GPC5: variants seen among roughly 807,000 people sequenced by gnomAD.
GPC5 encodes glypican-5.
A neutral mutation model predicts 53.9 loss-of-function variants in GPC5; 47 were observed. The ratio of observed to expected loss-of-function variants is 0.87; its 90% confidence interval spans 0.69 to 1.11. GPC5 has a LOEUF of 1.11. GPC5 is among the 50% of genes most tolerant of loss of function. The probability of loss-of-function intolerance (pLI) is 0.00; values close to 1 mark genes in which losing one functional copy is unlikely to be tolerated. For missense variants in GPC5, 748 were observed against 713.1 expected, an observed-to-expected ratio of 1.05 and a Z score of -0.56; for synonymous variants, 286 against 263.3, an observed-to-expected ratio of 1.09 and a Z score of -0.84.
chr13:91,888,876 A>G (rs528682012), intron 5 of GPC5, among the ~76,000 whole-genome samples: 1 of 152,244 alleles, frequency 6.6e-6, no homozygotes, highest in East Asian at 1.9e-4. Flanking sequence ...TGTATGAAAT[A>G]ACAATGTAAC....
At chr13:92,653,192 A>T (rs758631375) in intron 7 of GPC5, among the ~76,000 whole-genome samples, 1 of 152,206 alleles carries the variant, frequency 6.6e-6, no homozygotes, top group Non-Finnish European at 1.5e-5. Context: ...GATAGGGTGA[A>T]TATGACCCAG....
At chr13:92,778,717 A>C (rs929004845) in intron 7 of GPC5, among the ~76,000 whole-genome samples, 1 of 152,210 alleles carries the variant, frequency 6.6e-6, no homozygotes, top group Non-Finnish European at 1.5e-5. Context: ...TGTATTCCAC[A>C]TAAGACAGCT....
intron 7 of GPC5, among the ~76,000 whole-genome samples, chr13:92,386,005 A>G (rs537034838): frequency 6.6e-6 from 1 of 151,870 alleles, no homozygotes; most frequent in South Asian, 2.1e-4. Context: ...TGAAGCATAG[A>G]ATATCCATTG....
chr13:91,564,016 T>C (rs2031413075), intron 2 of GPC5, among the ~76,000 whole-genome samples: 1 of 152,116 alleles, frequency 6.6e-6, no homozygotes, highest in Admixed American at 6.6e-5. Context: ...CAACTCCTCT[T>C]TTGGGCTTCA....
chr13:92,242,148 G>T (rs573387054), intron 7 of GPC5, among the ~76,000 whole-genome samples: 20 of 150,970 alleles, frequency 1.3e-4, no homozygotes, highest in African/African-American at 4.9e-4. Flanking sequence ...CATGAGAATT[G>T]CTTGAACCCA....
intron 7 of GPC5, among the ~76,000 whole-genome samples, chr13:92,592,024 T>G (rs1286062553): frequency 2.0e-5 from 3 of 152,204 alleles, no homozygotes; most frequent in African/African-American, 7.2e-5. Flanking sequence ...GATATATCTA[T>G]GTCAAGCAAG....
At chr13:92,716,394 A>G (rs1010704569) in intron 7 of GPC5, among the ~76,000 whole-genome samples, 1 of 151,550 alleles carries the variant, frequency 6.6e-6, no homozygotes, top group African/African-American at 2.4e-5. Context: ...CTTTCCTCTC[A>G]TCTTTCAAGA....
chr13:91,641,090 G>T (rs900523725), intron 2 of GPC5, among the ~76,000 whole-genome samples: 1 of 152,158 alleles, frequency 6.6e-6, no homozygotes. Flanking sequence ...CACTTTGGGA[G>T]GCCGAGGTGG....
In GPC5 at chr13:91,887,547, C is replaced by A. The variant is rs190093380; in HGVS notation, c.1281-20390C>A. Among the ~76,000 whole-genome samples, 15 of 152,212 alleles carry A rather than the reference C, an allele frequency of 9.9e-5. No individual in the cohort carries two copies. The South Asian group carries it at 2.9e-3, about 29-fold the overall frequency. On this transcript the variant is annotated intron_variant, in intron 5 of 7. Transcript: ENST00000377067. ...GATTTTCTTTTCTCTTGCATTGTGACGCTGCAAATTTTCCAAACCTTTATG... is the reference window on the plus strand; with the variant it reads ...GATTTTCTTTTCTCTTGCATTGTGAAGCTGCAAATTTTCCAAACCTTTATG...
chr13:92,419,407 T>G (rs565088319), intron 7 of GPC5, among the ~76,000 whole-genome samples: 2 of 152,188 alleles, frequency 1.3e-5, no homozygotes, highest in East Asian at 1.9e-4. Flanking sequence ...CTTTGTAGAG[T>G]GGGAAAAGGT....
At chr13:92,083,437 G>C (rs957684261) in intron 6 of GPC5, among the ~76,000 whole-genome samples, 1 of 151,940 alleles carries the variant, frequency 6.6e-6, no homozygotes, top group Non-Finnish European at 1.5e-5. Context: ...AGAGTCAGGA[G>C]GTGATTAAAA....
At chr13:92,421,116 A>G (rs1876539066) in intron 7 of GPC5, among the ~76,000 whole-genome samples, 1 of 152,226 alleles carries the variant, frequency 6.6e-6, no homozygotes, top group South Asian at 2.1e-4. Context: ...AACCCTGTGA[A>G]GTACATGCTT....
At chr13:92,569,844 C>T (rs1370201811) in intron 7 of GPC5, among the ~76,000 whole-genome samples, 1 of 152,152 alleles carries the variant, frequency 6.6e-6, no homozygotes, top group Non-Finnish European at 1.5e-5. Context: ...TGAACTGATA[C>T]AGCACGGAAC....
At chr13:91,522,008 A>G (rs1170889738) in intron 2 of GPC5, among the ~76,000 whole-genome samples, 1 of 152,242 alleles carries the variant, frequency 6.6e-6, no homozygotes, top group Non-Finnish European at 1.5e-5. Flanking sequence ...ATACATGAAG[A>G]GATATATAAG....
At chr13:91,822,401 A>C (rs1008095464) in intron 5 of GPC5, among the ~76,000 whole-genome samples, 1 of 152,238 alleles carries the variant, frequency 6.6e-6, no homozygotes, top group East Asian at 1.9e-4. Flanking sequence ...GAGACGCAAG[A>C]TCAGGATGAG....
intron 7 of GPC5, among the ~76,000 whole-genome samples, chr13:92,192,294 G>T (rs531523298): frequency 2.6e-5 from 4 of 152,116 alleles, no homozygotes; most frequent in South Asian, 2.1e-4. Context: ...TACCACTCTC[G>T]CAGGGGAAAC....
At chr13:92,221,760 G>A (rs1344249559) in intron 7 of GPC5, among the ~76,000 whole-genome samples, 1 of 151,872 alleles carries the variant, frequency 6.6e-6, no homozygotes, top group African/African-American at 2.4e-5. Flanking sequence ...TTTCTTCATT[G>A]TAAAGAATCA....
chr13:91,677,933 G>A (rs1229489444), intron 2 of GPC5, among the ~76,000 whole-genome samples: 1 of 152,156 alleles, frequency 6.6e-6, no homozygotes, highest in South Asian at 2.1e-4. Flanking sequence ...TCTGATAAGA[G>A]CTATGAAAGC....
chr13:91,895,347 T>C (rs2039430247), intron 5 of GPC5, among the ~76,000 whole-genome samples: 1 of 152,152 alleles, frequency 6.6e-6, no homozygotes, highest in Non-Finnish European at 1.5e-5. Flanking sequence ...TGTGTGTATA[T>C]ACAGGAATTA....
Sources: gnomAD v4.1 joint callset for allele counts (sites outside exome capture counted in the v4.1 genomes callset) on GRCh38, gnomAD v4.1.1 for gene constraint, MANE v1.5 for transcripts, NCBI Gene and HGNC (gene_info 2026-07-23, HGNC 2026-07-21) for gene names.